EPHA5: variants seen among roughly 807,000 people sequenced by gnomAD.
The protein encoded by EPHA5 is EPH receptor A5, also known as ephrin type-A receptor 5.
In EPHA5, 60 loss-of-function variants were observed where a neutral mutation model predicts 105.0. The ratio of observed to expected loss-of-function variants is 0.57; its 90% CI spans 0.46 to 0.71. EPHA5 has a LOEUF of 0.71. EPHA5 is among the 30% of genes least tolerant of loss of function. The pLI, the probability that EPHA5 is intolerant of heterozygous loss-of-function variation, is 0.00. For missense variants in EPHA5, 1,218 were observed against 1,274.7 expected, an observed-to-expected ratio of 0.96 and a Z score of 0.68; for synonymous variants, 513 against 449.1, an observed-to-expected ratio of 1.14 and a Z score of -1.80.
At chr4:65,488,466 T>C (rs1347968331) in intron 5 of EPHA5, among the ~76,000 whole-genome samples, 1 of 152,200 alleles carries the variant, frequency 6.6e-6, no homozygotes, top group Non-Finnish European at 1.5e-5. Flanking sequence ...CAAGCCAATA[T>C]TTTTCTAACA....
chr4:65,426,292 C>T (rs1378370129), intron 5 of EPHA5, among the ~76,000 whole-genome samples: 1 of 152,124 alleles, frequency 6.6e-6, no homozygotes, highest in Non-Finnish European at 1.5e-5. Flanking sequence ...TTTGTCCTGC[C>T]TCAGACCCTT....
chr4:65,398,544 C>T (rs1172180597), intron 8 of EPHA5, among the ~76,000 whole-genome samples: 1 of 152,156 alleles, frequency 6.6e-6, no homozygotes, highest in African/African-American at 2.4e-5. Context: ...TAAGCTTTCA[C>T]TTCTGTGATC....
chr4:65,616,056 G>T (rs1745207128), intron 2 of EPHA5, among the ~76,000 whole-genome samples: 1 of 151,754 alleles, frequency 6.6e-6, no homozygotes, highest in Admixed American at 6.6e-5. Context: ...GTGAGCAAAT[G>T]GTTAAACAAA....
intron 14 of EPHA5, among the ~76,000 whole-genome samples, chr4:65,345,155 C>A (rs1246452601): frequency 2.0e-5 from 3 of 151,984 alleles, no homozygotes; most frequent in African/African-American, 7.3e-5. Context: ...ATAGTCCCGC[C>A]CCTAAAATCA....
At chr4:65,629,475 T>C (rs904798735) in intron 2 of EPHA5, among the ~76,000 whole-genome samples, 1 of 152,168 alleles carries the variant, frequency 6.6e-6, no homozygotes, top group Non-Finnish European at 1.5e-5. Context: ...AAGTCCCAAA[T>C]ATACAAATAG....
chr4:65,528,773 T>G (rs980436840), intron 3 of EPHA5, among the ~76,000 whole-genome samples: 1 of 151,962 alleles, frequency 6.6e-6, no homozygotes, highest in Admixed American at 6.6e-5. Context: ...GCAAGAGGAG[T>G]GCACTAAATC....
chr4:65,369,489 G>A lies in EPHA5; in HGVS notation c.1794-2065C>T, dbSNP rs114788352. Among the ~76,000 whole-genome samples, 405 of 152,102 alleles carry A rather than the reference G, an allele frequency of 2.7e-3. 3 individuals carry two copies. Among genetic ancestry groups the A allele is most frequent in the African/African-American group, 8.8e-3 (364 of 41,472 alleles). On this transcript the variant is annotated intron_variant, in intron 8 of 16. Transcript: ENST00000613740. ...AATTGGTTGAGAACTACCGTGTGAC[G>A]TAAATGAAGTTTCTATTACACATGT...
chr4:65,443,166 T>C (rs1304258063), intron 5 of EPHA5, among the ~76,000 whole-genome samples: 1 of 152,104 alleles, frequency 6.6e-6, no homozygotes, highest in Non-Finnish European at 1.5e-5. Context: ...CCCTAGTTAT[T>C]TACAACTTGT....
chr4:65,337,135 T>A (rs529793143), intron 14 of EPHA5, among the ~76,000 whole-genome samples: 177 of 152,222 alleles, frequency 1.2e-3, no homozygotes, highest in African/African-American at 4.1e-3. Context: ...TACAGAATGA[T>A]CTTTCAACAC....
chr4:65,574,074 A>C, intron 3 of EPHA5: 5 of 1,602,972 alleles, frequency 3.1e-6, no homozygotes, highest in African/African-American at 1.3e-5. Flanking sequence ...CGATATCAGC[A>C]ATGTAAAAAT....
intron 8 of EPHA5, among the ~76,000 whole-genome samples, chr4:65,377,523 T>C (rs1303571401): frequency 6.6e-6 from 1 of 151,964 alleles, no homozygotes; most frequent in Non-Finnish European, 1.5e-5. Flanking sequence ...CAATTTCTTA[T>C]GCCTGTGGTA....
At chr4:65,495,601 G>T in intron 3 of EPHA5, 58 bp from the exon 4 acceptor site, 2 of 1,409,564 alleles carry the variant, frequency 1.4e-6, no homozygotes, top group African/African-American at 1.5e-5. Context: ...TGTTTGTTTT[G>T]TGAATAATGT....
chr4:65,338,780 C>G (rs12651646), intron 14 of EPHA5, among the ~76,000 whole-genome samples: 44,792 of 151,638 alleles, frequency 0.3, 7,453 homozygotes, highest in East Asian at 0.44. Context: ...TCTAATGATT[C>G]TTTATAATAG....
intron 5 of EPHA5, among the ~76,000 whole-genome samples, chr4:65,481,934 T>A (rs1449174385): frequency 6.6e-6 from 1 of 152,226 alleles, no homozygotes; most frequent in Non-Finnish European, 1.5e-5. Context: ...CTTGGAGTTC[T>A]TCCTTTTAAT....
At chr4:65,470,281 C>T (rs1729160659) in intron 5 of EPHA5, among the ~76,000 whole-genome samples, 1 of 151,842 alleles carries the variant, frequency 6.6e-6, no homozygotes, top group Admixed American at 6.6e-5. Flanking sequence ...CAACCTCTGC[C>T]TCCAGGTTCA....
At chr4:65,574,629 C>CATATATATATACAT (rs1740628622) in intron 3 of EPHA5, among the ~76,000 whole-genome samples, 5 of 78,694 alleles carry the variant, frequency 6.4e-5, no homozygotes, top group African/African-American at 1.3e-4. Flanking sequence ...TATATATACA[C>CATATATATATACAT]ATATATATAT....
intron 3 of EPHA5, among the ~76,000 whole-genome samples, chr4:65,509,673 T>C (rs1733408639): frequency 6.6e-6 from 1 of 152,162 alleles, no homozygotes; most frequent in Non-Finnish European, 1.5e-5. Context: ...ATTCACACTT[T>C]TGCGACCCTA....
Position 65,497,436 on chromosome 4 carries a change from A to G in EPHA5, c.911-1893T>C, listed in dbSNP as rs187340934. Among the ~76,000 whole-genome samples the G allele has an allele frequency of 4.7e-3, 717 of 152,190 alleles. 22 individuals are homozygous for G. Among genetic ancestry groups the G allele is most frequent in the Non-Finnish European group, 9.6e-4 (65 of 67,992 alleles). On this transcript the variant is annotated intron_variant, in intron 3 of 16. Transcript: ENST00000613740. ...GTGAAGGTATTTGAAAGATAAAAAG[A>G]GCTTTTTGATAGTATTAGGGACATT...
rs183014781 is a variant in EPHA5, at chr4:65,321,190, T to C, written c.*2924A>G. On this transcript the variant is annotated 3_prime_UTR_variant, in exon 17 of 17. Coordinates refer to ENST00000613740, the MANE Select transcript of EPHA5 (RefSeq NM_001281766.3). ...GAAAGACTCATGCCCCTTAAGATAT[T>C]GCTACTGGCAATTACAATAAGATTA... 79 of 230,722 alleles carry C rather than the reference T, an allele frequency of 3.4e-4. No individual in the cohort carries two copies. In the East Asian group the frequency reaches 4.6e-3, roughly 13 times the overall value. The allele number at this position is 230,722 out of a possible 1,614,324, so 14.3% of individuals were successfully genotyped here.
Sources: gnomAD v4.1 joint callset for allele counts (sites outside exome capture counted in the v4.1 genomes callset) on GRCh38, gnomAD v4.1.1 for gene constraint, MANE v1.5 for transcripts, NCBI Gene and HGNC (gene_info 2026-07-23, HGNC 2026-07-21) for gene names.